The following TEX10 variants were observed in gnomAD, a reference collection of about 807,000 sequenced individuals.
The protein encoded by TEX10 is testis expressed 10.
Under a neutral mutation model 104.4 loss-of-function variants are expected in TEX10, and 24 were observed. The observed-to-expected ratio is 0.23, with a 90% confidence interval of 0.17 to 0.32. The LOEUF (loss-of-function observed/expected upper bound fraction) is 0.32. TEX10 is among the 10% of genes least tolerant of loss of function. The pLI, the probability that TEX10 is intolerant of heterozygous loss-of-function variation, is 1.00. For synonymous variants in TEX10, 396 were observed against 393.4 expected (o/e 1.01, Z -0.08); for missense variants, 921 against 1,083.9 (o/e 0.85, Z 2.11).
intron 14 of TEX10, 45 bp from the exon 15 acceptor site, chr9:100,302,349 C>G (rs1458241620): frequency 1.5e-6 from 2 of 1,356,220 alleles, no homozygotes; most frequent in East Asian, 2.3e-5. Flanking sequence ...ACCCAAATCA[C>G]TATGCTACCT....
chr9:100,342,211 T>G (rs1440258250), intron 4 of TEX10, among the ~76,000 whole-genome samples: 3 of 152,238 alleles, frequency 2.0e-5, no homozygotes, highest in Non-Finnish European at 4.4e-5. Flanking sequence ...TTCAGATATC[T>G]TATTCTCAGA....
Position 100,346,893 on chromosome 9 carries a change from T to C in TEX10, c.694A>G (p.Ser232Gly). 2 of 1,614,246 alleles carry C rather than the reference T, an allele frequency of 1.2e-6. No homozygotes were observed. Among genetic ancestry groups the C allele is most frequent in the Non-Finnish European group, 1.7e-6 (2 of 1,180,040 alleles). ...QWRLKVLVRL[S>G]KFLQALADGS... ...TCTGCCAAGGCCTGAAGGAATTTAC[T>C]GAGTCTCACTAAGACTTTCAGCCTC... The change falls in exon 3 of 15, where the codon AGT (serine) becomes GGT (glycine). Residue 232 changes from serine (S) to glycine (G), a missense_variant. Transcript: ENST00000374902.
Position 100,347,227 on chromosome 9 carries a change from T to C in TEX10, c.360A>G (p.Gln120=), listed in dbSNP as rs759407345. 4.3e-6 allele frequency: 7 copies of C among 1,614,026 alleles called. No individual in the cohort carries two copies. The highest frequency in any genetic ancestry group is 4.0e-5 in the African/African-American group (3 of 74,934). Residue 120 remains glutamine, a synonymous_variant, in exon 3 of 15, where the codon CAA becomes CAG. Transcript: ENST00000374902. ...KDANVRLAAV[Q]LLQFLAPKIR... ...TTTTGGGGGCCAGGAATTGAAGAAG[T>C]TGAACTGCTGCTAATCGTACATTAG...
intron 5 of TEX10, among the ~76,000 whole-genome samples, chr9:100,333,027 CAG>C (rs1834908596): frequency 6.6e-6 from 1 of 151,938 alleles, no homozygotes; most frequent in Non-Finnish European, 1.5e-5. Flanking sequence ...GTTTTTGAGA[CAG>C]AGTGTTGCTC....
chr9:100,311,907 T>C (rs1423536076), intron 11 of TEX10, among the ~76,000 whole-genome samples: 1 of 152,080 alleles, frequency 6.6e-6, no homozygotes, highest in Non-Finnish European at 1.5e-5. Context: ...TCAGTTAAGT[T>C]CAAGAGAGCT....
Position 100,329,270 on chromosome 9 carries a change from T to C in TEX10, c.1495A>G (p.Thr499Ala), listed in dbSNP as rs1834791170. 29 of 1,595,956 alleles carry C rather than the reference T, an allele frequency of 1.8e-5. No individual in the cohort carries two copies. The highest frequency in any genetic ancestry group is 2.4e-5 in the Non-Finnish European group (28 of 1,176,238). Residue 499 changes from threonine to alanine, a missense_variant, in exon 7 of 15, where the codon ACA becomes GCA. Physicochemically the swap from Thr to Ala is moderately conservative, Grantham distance 58. Coordinates refer to ENST00000374902, the MANE Select transcript of TEX10 (RefSeq NM_017746.4). Reference sequence around the variant, plus strand: ...TAAACTGCCTTAATAAGAGTCTCTGTGTCCTCTACAAACAGAAAGAAAACA... The same window carrying C: ...TAAACTGCCTTAATAAGAGTCTCTGCGTCCTCTACAAACAGAAAGAAAACA... ...LMQIQPNRED[T>A]ETLIKAVYTL... is the part of the protein sequence containing the mutation.
chr9:100,306,609 TA>T (rs1298139941), intron 13 of TEX10: 1 of 152,184 alleles, frequency 6.6e-6, no homozygotes, highest in Non-Finnish European at 1.5e-5. Context: ...GGCTCCCCAG[TA>T]ATTTGATTAG....
intron 1 of TEX10, among the ~76,000 whole-genome samples, chr9:100,350,198 A>T (rs151014329): frequency 4.6e-5 from 7 of 152,232 alleles, no homozygotes; most frequent in Non-Finnish European, 7.4e-5. Flanking sequence ...GAAATCTTTG[A>T]TCTGTGTCTC....
chr9:100,321,652 C>T (rs1203211735), intron 10 of TEX10, 31 bp downstream of exon 10: 3 of 1,562,890 alleles, frequency 1.9e-6, no homozygotes, highest in South Asian at 1.1e-5. Flanking sequence ...TAGGTTTTTT[C>T]TTTTTTAATC....
chr9:100,330,440 T>C (rs1406902002), intron 5 of TEX10, among the ~76,000 whole-genome samples: 1 of 152,228 alleles, frequency 6.6e-6, no homozygotes, highest in Non-Finnish European at 1.5e-5. Context: ...AATGCCCTTA[T>C]AATATTGCCT....
intron 4 of TEX10, 76 bp downstream of exon 4, chr9:100,345,996 T>G: frequency 2.9e-4 from 425 of 1,485,554 alleles, no homozygotes; most frequent in Non-Finnish European, 3.4e-4. Context: ...TTAGTAGTAA[T>G]GAGCTGATTT....
chr9:100,319,154 T>C (rs1834501009), intron 11 of TEX10, among the ~76,000 whole-genome samples: 2 of 151,744 alleles, frequency 1.3e-5, no homozygotes, highest in East Asian at 3.9e-4. Context: ...ACAGCACCAA[T>C]GCACTCCAGC....
intron 5 of TEX10, among the ~76,000 whole-genome samples, chr9:100,330,998 G>A (rs150607881): frequency 3.4e-4 from 51 of 152,168 alleles, no homozygotes; most frequent in Admixed American, 5.2e-4. Context: ...GCTCACGCCC[G>A]TAATCCCAGC....
intron 13 of TEX10, 101 bp from the exon 14 acceptor site, chr9:100,303,943 T>C: frequency 8.6e-7 from 1 of 1,160,574 alleles, no homozygotes; most frequent in Non-Finnish European, 1.3e-6. Context: ...AAGGAACATG[T>C]TTTCCAATAA....
At chr9:100,343,598 TAAA>T (rs760704164) in intron 4 of TEX10, among the ~76,000 whole-genome samples, 1 of 138,400 alleles carries the variant, frequency 7.2e-6, no homozygotes, top group Non-Finnish European at 1.6e-5. Context: ...CTAAAAAGTT[TAAA>T]AAAAAAAAAA....
intron 4 of TEX10, among the ~76,000 whole-genome samples, chr9:100,344,974 T>G (rs1315486337): frequency 2.6e-5 from 4 of 152,246 alleles, no homozygotes; most frequent in Admixed American, 6.5e-5. Flanking sequence ...CAGATGATCA[T>G]AGATCAAGAC....
In TEX10 at chr9:100,352,827, G is replaced by A; in HGVS notation, c.-65C>T. 9.6e-7 allele frequency: 1 copy of A among 1,040,582 alleles called. No homozygotes were observed. Among genetic ancestry groups the A allele is most frequent in the Non-Finnish European group, 1.2e-6 (1 of 868,104 alleles). 64.5% of individuals were successfully genotyped at this position (1,040,582 alleles called of 1,614,324 possible). On this transcript the variant is annotated 5_prime_UTR_variant, in exon 1 of 15. Coordinates refer to ENST00000374902, the MANE Select transcript of TEX10 (RefSeq NM_017746.4). ...GCCCGAGAAGACAAGCGAGGGAGCAGAAGCCCACGGGGCAACAGCGTGCGC... is the reference window on the plus strand; with the variant it reads ...GCCCGAGAAGACAAGCGAGGGAGCAAAAGCCCACGGGGCAACAGCGTGCGC...
chr9:100,313,304 CAGA>C (rs1212417137), intron 11 of TEX10, among the ~76,000 whole-genome samples: 6 of 152,032 alleles, frequency 3.9e-5, no homozygotes, highest in Non-Finnish European at 8.8e-5. Flanking sequence ...CACCTGAGGT[CAGA>C]AGTTCAAGAC....
chr9:100,322,625 AT>A (rs1220129741), intron 9 of TEX10, among the ~76,000 whole-genome samples: 4 of 151,772 alleles, frequency 2.6e-5, no homozygotes, highest in Admixed American at 2.6e-4. Flanking sequence ...TTATATATAT[AT>A]TTTTTGGGGG....
Sources: allele counts gnomAD v4.1 joint callset (sites outside exome capture counted in the v4.1 genomes callset), GRCh38; gene constraint gnomAD v4.1.1; transcripts MANE v1.5; gene names NCBI Gene and HGNC (gene_info 2026-07-23, HGNC 2026-07-21).